CNTNAP3: variants seen among roughly 807,000 people sequenced by gnomAD.
CNTNAP3 encodes the protein contactin-associated protein-like 3.
A neutral mutation model predicts 92.1 loss-of-function variants in CNTNAP3; 36 were observed. The ratio of observed to expected loss-of-function variants is 0.39; its 90% CI spans 0.30 to 0.52. CNTNAP3 has a LOEUF of 0.52. CNTNAP3 is among the 20% of genes least tolerant of loss of function. The pLI is 0.76. For missense variants in CNTNAP3, 534 were observed against 1,069.6 expected (o/e 0.50, Z 6.98); for synonymous variants, 232 against 422.3 (o/e 0.55, Z 5.53).
rs1405399765 is a variant in CNTNAP3 at position 39,109,174 on chromosome 9, A to G, written c.2351T>C (p.Leu784Pro). 1.2e-6 allele frequency: 2 copies of G among 1,612,700 alleles called. No individual in the cohort carries two copies. Among genetic ancestry groups the G allele is most frequent in the Non-Finnish European group, 1.7e-6 (2 of 1,179,770 alleles). ...ACACTACTTACGATCTCCGCGGCAG[A>G]GCAGTGGCCCCAGTGTATAAGCTGC... ...SEAAYTLGPL[L>P]CRGDQSFWNS... The change falls in exon 15 of 24, where the codon CTC (leucine) becomes CCC (proline). Residue 784 changes from leucine to proline, a missense_variant. Leu to Pro is a moderately conservative substitution (Grantham distance 98). Coordinates refer to ENST00000297668, the MANE Select transcript of CNTNAP3 (RefSeq NM_033655.5).
Position 39,132,986 on chromosome 9 carries a change from A to C in CNTNAP3, c.2026T>G (p.Cys676Gly), listed in dbSNP as rs745558298. 1 of 1,541,334 alleles carries C rather than the reference A, an allele frequency of 6.5e-7. No individual in the cohort carries two copies. The highest frequency in any genetic ancestry group is 2.3e-4 in the Middle Eastern group (1 of 4,380). The change falls in exon 13 of 24, where the codon TGC (cysteine) becomes GGC (glycine). Residue 676 changes from cysteine to glycine, a missense_variant. By Grantham distance (159) the Cys-to-Gly change is radical. Transcript: ENST00000297668. ...CAGCGCAGAGCCAGCCGCTGCTCGCAGCGCTCCGCCAGGTTCACCGCGGAC... is the reference window on the plus strand; with the variant it reads ...CAGCGCAGAGCCAGCCGCTGCTCGCCGCGCTCCGCCAGGTTCACCGCGGAC... ...LRSAVNLAER[C>G]EQRLALRCGT...
chr9:39,101,266 C>T (rs551508423), intron 17 of CNTNAP3, among the ~76,000 whole-genome samples: 187 of 151,486 alleles, frequency 1.2e-3, no homozygotes, highest in African/African-American at 4.2e-3. Context: ...CACATACATA[C>T]GTGGGTTCAC....
intron 9 of CNTNAP3, among the ~76,000 whole-genome samples, chr9:39,151,893 T>C (rs2118150921): frequency 6.6e-6 from 1 of 150,450 alleles, no homozygotes; most frequent in African/African-American, 2.4e-5. Context: ...CATTCAAATA[T>C]TAGGTATTAA....
intron 1 of CNTNAP3, 54 bp downstream of exon 1, chr9:39,287,926 A>G: frequency 3.6e-6 from 1 of 277,360 alleles, no homozygotes; most frequent in Non-Finnish European, 6.1e-6. Context: ...AAAAAAAAAA[A>G]ACAAAGTTTT....
chr9:39,124,911 G>T (rs890451451), intron 13 of CNTNAP3, among the ~76,000 whole-genome samples: 1 of 151,904 alleles, frequency 6.6e-6, no homozygotes. Context: ...CTGTTGGTGG[G>T]ACTGTAAACT....
chr9:39,131,967 T>A (rs1272294078), intron 13 of CNTNAP3, among the ~76,000 whole-genome samples: 1 of 151,694 alleles, frequency 6.6e-6, no homozygotes, highest in South Asian at 2.1e-4. Context: ...AGATTTTGTA[T>A]TGAAAATTAA....
In CNTNAP3 at chr9:39,065,417, TAAGTA is replaced by T; in HGVS notation, c.*8468_*8472del. ...GGCAGTTTACAGTTTGGGGATATTA[TAAGTA>T]AAGATGCTATAAACGTTCTTGTGTA... On this transcript the variant is annotated 3_prime_UTR_variant, in exon 24 of 24. Transcript: ENST00000297668. 6.6e-6 allele frequency among the ~76,000 whole-genome samples: 1 copy of T among 152,316 alleles called. No homozygotes were observed. Among genetic ancestry groups the T allele is most frequent in the Non-Finnish European group, 1.5e-5 (1 of 68,020 alleles).
intron 9 of CNTNAP3, among the ~76,000 whole-genome samples, chr9:39,152,212 T>C (rs1367302470): frequency 7.6e-6 from 1 of 131,176 alleles, no homozygotes; most frequent in South Asian, 2.7e-4. Context: ...AATTAAATGT[T>C]GTGTTTAGAT....
At chr9:39,255,711 GCT>G (rs1822840316) in intron 2 of CNTNAP3, among the ~76,000 whole-genome samples, 1 of 42,860 alleles carries the variant, frequency 2.3e-5, no homozygotes, top group African/African-American at 4.5e-5. Context: ...CATCTCTAGA[GCT>G]CTTTCACCTT....
At chr9:39,096,579 G>C (rs11788933) in intron 18 of CNTNAP3, among the ~76,000 whole-genome samples, 3 of 148,538 alleles carry the variant, frequency 2.0e-5, no homozygotes, top group African/African-American at 7.4e-5. Context: ...CACTCTTCTA[G>C]TTATTTTGAA....
At chr9:39,148,637 T>C (rs1432330086) in intron 10 of CNTNAP3, among the ~76,000 whole-genome samples, 1 of 151,828 alleles carries the variant, frequency 6.6e-6, no homozygotes, top group Non-Finnish European at 1.5e-5. Context: ...GCCATTCTCC[T>C]GCCTCAGCCT....
At chr9:39,082,068 CAG>C (rs1825955262) in intron 21 of CNTNAP3, among the ~76,000 whole-genome samples, 1 of 138,038 alleles carries the variant, frequency 7.2e-6, no homozygotes, top group African/African-American at 2.7e-5. Context: ...GCCTGGATGA[CAG>C]AGTGAAACTC....
In CNTNAP3 at chr9:39,076,900, T is replaced by C. The variant is rs1212871585; in HGVS notation, c.3745+1485A>G. Among the ~76,000 whole-genome samples, 3 of 152,296 alleles carry C rather than the reference T, an allele frequency of 2.0e-5. No homozygotes were observed. The East Asian group carries it at 5.8e-4, about 29-fold the overall frequency. On this transcript the variant is annotated intron_variant, in intron 23 of 23. Transcript: ENST00000297668. Reference sequence around the variant, plus strand: ...GGAGAATGGGAGGCGGAGCTTGCAGTGAGCCAAGATGGCGCCACTGCACTC... The same window carrying C: ...GGAGAATGGGAGGCGGAGCTTGCAGCGAGCCAAGATGGCGCCACTGCACTC...
In CNTNAP3 at chr9:39,074,491, A is replaced by G. The variant is rs1017781546; in HGVS notation, c.3746-480T>C. Among the ~76,000 whole-genome samples, 101 of 151,144 alleles carry G rather than the reference A, an allele frequency of 6.7e-4. No individual in the cohort carries two copies. The South Asian group carries it at 0.014, about 21-fold the overall frequency. Reference sequence around the variant, plus strand: ...GTCAAGTAATTTTATAACATTTAACATACTTCTGACGGACTATGACTTTTG... The same window carrying G: ...GTCAAGTAATTTTATAACATTTAACGTACTTCTGACGGACTATGACTTTTG... On this transcript the variant is annotated intron_variant, in intron 23 of 23. Coordinates refer to ENST00000297668, the MANE Select transcript of CNTNAP3 (RefSeq NM_033655.5).
rs1411705373 is a variant in CNTNAP3 at position 39,144,477 on chromosome 9, G to A, written c.1650-131C>T. The A allele has an allele frequency of 1.8e-5, 25 of 1,380,726 alleles. No individual in the cohort carries two copies. In the South Asian group the frequency reaches 2.5e-4, roughly 14 times the overall value. The allele number at this position is 1,380,726 out of a possible 1,614,324, so 85.5% of individuals were successfully genotyped here. On this transcript the variant is annotated intron_variant, in intron 10 of 23. Coordinates refer to ENST00000297668, the MANE Select transcript of CNTNAP3 (RefSeq NM_033655.5). ...CATATGCAAGATAACCCCACATGAC[G>A]TGATTACTGGGTCTGCCATCAAGGT...
chr9:39,141,913 T>C (rs1175649518), intron 11 of CNTNAP3, among the ~76,000 whole-genome samples: 3 of 152,120 alleles, frequency 2.0e-5, no homozygotes, highest in African/African-American at 7.2e-5. Context: ...TTATATACAA[T>C]TAATTAGTTG....
intron 17 of CNTNAP3, among the ~76,000 whole-genome samples, chr9:39,100,527 ATTTC>A (rs1165503323): frequency 1.3e-5 from 2 of 151,984 alleles, no homozygotes; most frequent in African/African-American, 2.4e-5. Context: ...CATTATTTTA[ATTTC>A]TTTATGAATA....
At chr9:39,132,043 A>G (rs1821306141) in intron 13 of CNTNAP3, among the ~76,000 whole-genome samples, 1 of 152,026 alleles carries the variant, frequency 6.6e-6, no homozygotes, top group African/African-American at 2.4e-5. Flanking sequence ...TTTTTTTAAG[A>G]CAAGGTGTTG....
intron 13 of CNTNAP3, among the ~76,000 whole-genome samples, chr9:39,123,119 G>T (rs1185274351): frequency 6.9e-6 from 1 of 144,598 alleles, no homozygotes; most frequent in East Asian, 2.0e-4. Context: ...TTTTGAGATG[G>T]AGTCTCTCTC....
Sources: gnomAD v4.1 joint callset for allele counts (sites outside exome capture counted in the v4.1 genomes callset) on GRCh38, gnomAD v4.1.1 for gene constraint, MANE v1.5 for transcripts, NCBI Gene and HGNC (gene_info 2026-07-23, HGNC 2026-07-21) for gene names.